VPS8: variants seen among roughly 807,000 people sequenced by gnomAD.
VPS8 encodes the protein VPS8 subunit of CORVET complex, also known as vacuolar protein sorting-associated protein 8 homolog.
VPS8 carries 129 observed loss-of-function variants against 216.4 expected under a neutral mutation model. The ratio of observed to expected loss-of-function variants is 0.60; its 90% CI spans 0.52 to 0.69. The LOEUF (loss-of-function observed/expected upper bound fraction) is 0.69. VPS8 is among the 30% of genes least tolerant of loss of function. The pLI is 0.00. For synonymous variants in VPS8, 571 were observed against 565.4 expected (o/e 1.01, Z -0.14); for missense variants, 1,531 against 1,683.5 (o/e 0.91, Z 1.59).
intron 21 of VPS8, among the ~76,000 whole-genome samples, chr3:184,879,408 G>A (rs6803925): frequency 0.18 from 27,138 of 151,896 alleles, 2,892 homozygotes; most frequent in African/African-American, 0.3. Flanking sequence ...CTTGCATCCT[G>A]CAAGCTTTTG....
chr3:184,966,679 A>G lies in VPS8; in HGVS notation c.3282A>G (p.Gln1094=), dbSNP rs774965445. 3 of 1,593,526 alleles carry G rather than the reference A, an allele frequency of 1.9e-6. No homozygotes were observed. Among genetic ancestry groups the G allele is most frequent in the Non-Finnish European group, 2.6e-6 (3 of 1,167,348 alleles). The change falls in exon 39 of 48, where the codon CAA becomes CAG. Residue 1094 remains glutamine (Q), a synonymous_variant. Coordinates refer to ENST00000625842, the MANE Select transcript of VPS8 (RefSeq NM_001009921.3). ...TTCTTTTTATCTCCTAGAGACTACA[A>G]AGCAAACTTCAAGAGGTAACACATC... ...GAFLIMLERL[Q]SKLQEVTHQG... is the part of the protein sequence containing the mutation.
chr3:184,927,607 A>G (rs1359716197), intron 31 of VPS8, among the ~76,000 whole-genome samples: 1 of 152,150 alleles, frequency 6.6e-6, no homozygotes, highest in African/African-American at 2.4e-5. Flanking sequence ...ATAATTTACC[A>G]TTTTAACCAT....
intron 16 of VPS8, among the ~76,000 whole-genome samples, chr3:184,865,627 A>G (rs888604213): frequency 1.3e-5 from 2 of 152,234 alleles, no homozygotes; most frequent in African/African-American, 4.8e-5. Flanking sequence ...TGGAAGCCTC[A>G]TACATTGATG....
chr3:184,826,012 C>T (rs1279414074), intron 2 of VPS8, 151 bp from the exon 3 acceptor site: 2 of 596,136 alleles, frequency 3.4e-6, no homozygotes, highest in African/African-American at 3.8e-5. Flanking sequence ...ACTCTGTAGT[C>T]TTGACTTGAT....
chr3:184,818,783 C>T (rs1047762998), intron 1 of VPS8, among the ~76,000 whole-genome samples: 1 of 152,036 alleles, frequency 6.6e-6, no homozygotes, highest in African/African-American at 2.4e-5. Context: ...AAAAGTATCT[C>T]ATATGACACT....
At chr3:185,038,920 T>A (rs1372945135) in intron 46 of VPS8, among the ~76,000 whole-genome samples, 1 of 152,170 alleles carries the variant, frequency 6.6e-6, no homozygotes, top group African/African-American at 2.4e-5. Context: ...AGAGCTTCCA[T>A]TCCATGAGTA....
intron 31 of VPS8, among the ~76,000 whole-genome samples, chr3:184,928,104 G>A (rs932643573): frequency 6.6e-6 from 1 of 152,122 alleles, no homozygotes; most frequent in African/African-American, 2.4e-5. Context: ...GTAAAGAACC[G>A]TAAGACATAA....
intron 16 of VPS8, among the ~76,000 whole-genome samples, chr3:184,865,838 A>T (rs956346694): frequency 3.9e-5 from 6 of 152,094 alleles, no homozygotes; most frequent in Non-Finnish European, 8.8e-5. Flanking sequence ...AAATACAAAA[A>T]TTAGCTAGAC....
intron 21 of VPS8, among the ~76,000 whole-genome samples, chr3:184,872,822 C>CA (rs1242166563): frequency 7.2e-5 from 11 of 151,738 alleles, no homozygotes; most frequent in Non-Finnish European, 1.0e-4. Context: ...CTACAGGCTC[C>CA]AAAAAAAGAA....
At chr3:185,038,479 G>T (rs1759201192) in intron 46 of VPS8, among the ~76,000 whole-genome samples, 1 of 152,138 alleles carries the variant, frequency 6.6e-6, no homozygotes, top group African/African-American at 2.4e-5. Context: ...TTTTTCCTCA[G>T]TTATCTTCTG....
rs116646698 is a variant in VPS8 at position 184,890,291 on chromosome 3, G to A, written c.1781+4135G>A. On this transcript the variant is annotated intron_variant, in intron 22 of 47. Coordinates refer to ENST00000625842, the MANE Select transcript of VPS8 (RefSeq NM_001009921.3). ...TCAGATTTTGCATAATACAAACACA[G>A]TCTTACAAAATGTCATCTAGTACTC... 4.6e-3 allele frequency among the ~76,000 whole-genome samples: 698 copies of A among 152,188 alleles called. 8 individuals carry two copies. Among genetic ancestry groups the A allele is most frequent in the African/African-American group, 0.016 (655 of 41,532 alleles).
chr3:184,964,588 T>C, intron 38 of VPS8, 31 bp downstream of exon 38: 1 of 1,335,328 alleles, frequency 7.5e-7, no homozygotes, highest in Non-Finnish European at 1.0e-6. Context: ...TTTCATCATA[T>C]TTCTGTCTAT....
At chr3:184,922,686 C>CA (rs1405122261) in intron 29 of VPS8, among the ~76,000 whole-genome samples, 1 of 151,958 alleles carries the variant, frequency 6.6e-6, no homozygotes, top group African/African-American at 2.4e-5. Flanking sequence ...TAGAGATGTG[C>CA]TAATTGGTTA....
chr3:185,005,652 T>C (rs1754143657), intron 45 of VPS8, among the ~76,000 whole-genome samples: 1 of 151,650 alleles, frequency 6.6e-6, no homozygotes. Flanking sequence ...TTTATTTATT[T>C]ATTCTTGCAG....
intron 11 of VPS8, 146 bp downstream of exon 11, chr3:184,852,713 T>A (rs1255474889): frequency 1.3e-6 from 1 of 771,652 alleles, no homozygotes; most frequent in East Asian, 2.7e-5. Context: ...AAGGCTTATA[T>A]TAATAGAACA....
intron 22 of VPS8, among the ~76,000 whole-genome samples, chr3:184,887,159 A>G (rs1731439882): frequency 6.6e-6 from 1 of 152,078 alleles, no homozygotes; most frequent in African/African-American, 2.4e-5. Context: ...CCTGGGTAAT[A>G]TAGGGAGACC....
Position 184,862,919 on chromosome 3 carries a change from T to G in VPS8, c.1247T>G (p.Val416Gly). ...NFTWINSRTV[V>G]LLDSVEKLHV... Reference sequence around the variant, plus strand: ...CAGTGGATAAATTCACGCACAGTTGTGCTCTTAGACAGCGTAGAGAAGTTG... The same window carrying G: ...CAGTGGATAAATTCACGCACAGTTGGGCTCTTAGACAGCGTAGAGAAGTTG... Residue 416 changes from valine to glycine, a missense_variant, in exon 16 of 48, where the codon GTG becomes GGG. Physicochemically the swap from Val to Gly is moderately radical, Grantham distance 109. Around this residue, in one of 3 missense-constraint regions of VPS8, gnomAD observed 1,318 missense variants for 1,468.4 expected, o/e 0.90. Coordinates refer to ENST00000625842, the MANE Select transcript of VPS8 (RefSeq NM_001009921.3). The G allele has an allele frequency of 6.2e-7, 1 of 1,613,558 alleles. No individual in the cohort carries two copies. The highest frequency in any genetic ancestry group is 1.6e-4 in the Middle Eastern group (1 of 6,062).
chr3:184,957,339 CA>C (rs1560859387), intron 36 of VPS8, 34 bp from the exon 37 acceptor site: 1 of 1,573,414 alleles, frequency 6.4e-7, no homozygotes, highest in Admixed American at 1.8e-5. Flanking sequence ...AATAATGCTA[CA>C]ATTGAGTGTT....
At chr3:184,860,480 C>T (rs1045820107) in intron 15 of VPS8, among the ~76,000 whole-genome samples, 4 of 151,386 alleles carry the variant, frequency 2.6e-5, no homozygotes, top group Non-Finnish European at 5.9e-5. Flanking sequence ...CACACACACA[C>T]ACACACACAC....
Sources: gnomAD v4.1 joint callset for allele counts (sites outside exome capture counted in the v4.1 genomes callset) on GRCh38, gnomAD v4.1.1 for gene constraint, gnomAD v4.1.1 regional missense constraint, MANE v1.5 for transcripts, NCBI Gene and HGNC (gene_info 2026-07-23, HGNC 2026-07-21) for gene names.